Variants in CAST observed in about 807,000 individuals in gnomAD.
CAST encodes MIR583 host.
CAST carries 76 observed loss-of-function variants against 119.6 expected under a neutral mutation model. That is an observed-to-expected ratio of 0.64 (90% CI 0.53 to 0.77). CAST has a LOEUF of 0.77. Ranked by LOEUF, CAST falls within the 30% of genes least tolerant of loss-of-function variation. CAST has a pLI of 0.00. For missense variants in CAST, 953 were observed against 946.5 expected (o/e 1.01, Z -0.09); for synonymous variants, 319 against 331.6 (o/e 0.96, Z 0.41).
the CAST span, among the ~76,000 whole-genome samples, chr5:96,222,124 A>C: frequency 6.6e-6 from 1 of 152,192 alleles, no homozygotes; most frequent in Non-Finnish European, 1.5e-5. Flanking sequence ...TGGATTAAAG[A>C]TTTAAATGTA....
the CAST span, among the ~76,000 whole-genome samples, chr5:96,032,847 AAT>A: frequency 6.6e-6 from 1 of 152,168 alleles, no homozygotes; most frequent in East Asian, 1.9e-4. Context: ...AAGAGAAAGA[AAT>A]AAAAGGCCTC....
At chr5:96,501,897 C>T in the CAST span, among the ~76,000 whole-genome samples, 41 of 152,234 alleles carry the variant, frequency 2.7e-4, no homozygotes, top group African/African-American at 8.7e-4. Flanking sequence ...TGCTTTGTAG[C>T]GTATTGTGTG....
At chr5:96,145,778 A>G in the CAST span, among the ~76,000 whole-genome samples, 1 of 152,146 alleles carries the variant, frequency 6.6e-6, no homozygotes, top group Non-Finnish European at 1.5e-5. Flanking sequence ...TATCTCCTAA[A>G]TCTCTGGGCT....
the CAST span, among the ~76,000 whole-genome samples, chr5:96,089,808 A>C: frequency 6.6e-6 from 1 of 152,210 alleles, no homozygotes; most frequent in Admixed American, 6.5e-5. Context: ...TCTCTTGTGC[A>C]TATAATTATT....
At chr5:96,304,175 T>G in the CAST span, among the ~76,000 whole-genome samples, 3 of 152,386 alleles carry the variant, frequency 2.0e-5, no homozygotes, top group East Asian at 5.8e-4. Context: ...CAAAGTGATT[T>G]TGATTTGCAT....
chr5:96,066,024 T>C, the CAST span, among the ~76,000 whole-genome samples: 1 of 152,120 alleles, frequency 6.6e-6, no homozygotes, highest in African/African-American at 2.4e-5. Flanking sequence ...ACTAGAACAC[T>C]CCCATTCCTG....
the CAST span, among the ~76,000 whole-genome samples, chr5:96,316,535 A>G: frequency 6.6e-5 from 10 of 152,360 alleles, no homozygotes; most frequent in East Asian, 7.7e-4. Flanking sequence ...CAAAACTGTC[A>G]GCATCAGATA....
chr5:96,385,127 C>T, the CAST span, among the ~76,000 whole-genome samples: 2 of 152,110 alleles, frequency 1.3e-5, no homozygotes, highest in African/African-American at 2.4e-5. Flanking sequence ...TCTTAGCATC[C>T]CTGGGGATGA....
At chr5:96,472,749 T>C in the CAST span, among the ~76,000 whole-genome samples, 1 of 152,290 alleles carries the variant, frequency 6.6e-6, no homozygotes, top group Admixed American at 6.5e-5. Context: ...GTACCTCTAA[T>C]GTAAGAAGGT....
chr5:96,575,709 C>T (rs1055809356), intron 1 of CAST, among the ~76,000 whole-genome samples: 2 of 151,696 alleles, frequency 1.3e-5, no homozygotes, highest in African/African-American at 4.8e-5. Context: ...GTGGCACAAT[C>T]ACTGCTCACT....
the CAST span, among the ~76,000 whole-genome samples, chr5:96,272,891 AAAAAT>A: frequency 2.6e-5 from 4 of 152,206 alleles, no homozygotes; most frequent in African/African-American, 9.6e-5. Flanking sequence ...ATATCAATAA[AAAAAT>A]AAAGAGAATG....
At chr5:96,505,786 C>T in the CAST span, among the ~76,000 whole-genome samples, 6 of 152,208 alleles carry the variant, frequency 3.9e-5, no homozygotes, top group Non-Finnish European at 5.9e-5. Context: ...CTACTGCCGC[C>T]AGCTGGGTGG....
the CAST span, among the ~76,000 whole-genome samples, chr5:96,386,039 G>T: frequency 6.6e-6 from 1 of 151,990 alleles, no homozygotes. Context: ...CTCAAAATAA[G>T]GACAATAATA....
the CAST span, among the ~76,000 whole-genome samples, chr5:96,233,626 C>T: frequency 3.3e-5 from 5 of 152,060 alleles, no homozygotes; most frequent in Non-Finnish European, 7.4e-5. Flanking sequence ...TATTTTCTCT[C>T]CTTGACAGAT....
the CAST span, among the ~76,000 whole-genome samples, chr5:96,306,425 G>A: frequency 1.3e-5 from 2 of 151,892 alleles, no homozygotes. Context: ...TTTTTTTGAA[G>A]GGTTTTTCAT....
the CAST span, among the ~76,000 whole-genome samples, chr5:96,351,055 A>G: frequency 1.3e-5 from 2 of 152,174 alleles, no homozygotes; most frequent in African/African-American, 4.8e-5. Flanking sequence ...TGTTAACCAA[A>G]CATACAGAGT....
intron 1 of CAST, among the ~76,000 whole-genome samples, chr5:96,574,528 G>A (rs1352755098): frequency 1.3e-5 from 2 of 151,962 alleles, no homozygotes; most frequent in Admixed American, 6.6e-5. Flanking sequence ...CATAGCAATC[G>A]TTTTTATTTT....
chr5:96,629,871 T>A (rs1388778444), intron 1 of CAST, among the ~76,000 whole-genome samples: 1 of 152,234 alleles, frequency 6.6e-6, no homozygotes, highest in Non-Finnish European at 1.5e-5. Context: ...AGAGATGAAT[T>A]TCTTCTTCTA....
chr5:96,165,791 G>A, the CAST span, among the ~76,000 whole-genome samples: 1 of 152,144 alleles, frequency 6.6e-6, no homozygotes, highest in African/African-American at 2.4e-5. Context: ...ACATCTGTTA[G>A]AACTTCATTC....
Sources: gnomAD v4.1 joint callset for allele counts (sites outside exome capture counted in the v4.1 genomes callset) on GRCh38, gnomAD v4.1.1 for gene constraint, MANE v1.5 for transcripts, NCBI Gene and HGNC (gene_info 2026-07-23, HGNC 2026-07-21) for gene names.